DRD2: variants seen among roughly 807,000 people sequenced by gnomAD.
DRD2 encodes the protein D(2) dopamine receptor.
In DRD2, 8 loss-of-function variants were observed where a neutral mutation model predicts 38.0. The ratio of observed to expected loss-of-function variants is 0.21; its 90% CI spans 0.12 to 0.38. DRD2 has a LOEUF of 0.38. Among genes scored for constraint, DRD2 ranks in the 10% least tolerant of loss-of-function variants. The pLI, the probability that DRD2 is intolerant of heterozygous loss-of-function variation, is 1.00. For missense variants in DRD2, 403 were observed against 607.7 expected (o/e 0.66, Z 3.54); for synonymous variants, 230 against 238.6 (o/e 0.96, Z 0.33).
chr11:113,410,517 G>C lies in DRD2; in HGVS notation c.*210C>G. 2 of 681,424 alleles carry C rather than the reference G, an allele frequency of 2.9e-6. No homozygotes were observed. The highest frequency in any genetic ancestry group is 3.5e-5 in the South Asian group (2 of 57,292). 42.2% of individuals were successfully genotyped at this position (681,424 alleles called of 1,614,324 possible). On this transcript the variant is annotated 3_prime_UTR_variant, in exon 8 of 8. Coordinates refer to ENST00000362072, the MANE Select transcript of DRD2 (RefSeq NM_000795.4). ...AGCTGGGGGGCCCAGCCCCAGGGCT[G>C]GTACCATGCCCAGCTCACTAGCACT... is the stretch of plus-strand genomic sequence containing the variant.
chr11:113,473,466 C>T lies in DRD2; in HGVS notation c.-32+1610G>A, dbSNP rs528469373. On this transcript the variant is annotated intron_variant, in intron 1 of 7. Coordinates refer to ENST00000362072, the MANE Select transcript of DRD2 (RefSeq NM_000795.4). Reference sequence around the variant, plus strand: ...AAAAAACCCTTAGAGAAATGCTGCCCGGACTTCTACAACAAATCAGAACCT... The same window carrying T: ...AAAAAACCCTTAGAGAAATGCTGCCTGGACTTCTACAACAAATCAGAACCT... 4.6e-5 allele frequency among the ~76,000 whole-genome samples: 7 copies of T among 152,306 alleles called. No homozygotes were observed. In the South Asian group the frequency reaches 1.0e-3, roughly 23 times the overall value.
intron 1 of DRD2, among the ~76,000 whole-genome samples, chr11:113,460,774 C>A (rs1951310712): frequency 1.3e-5 from 2 of 152,208 alleles, no homozygotes; most frequent in African/African-American, 4.8e-5. Context: ...GGGAGCTGCC[C>A]AGGGATGAAG....
Position 113,413,357 on chromosome 11 carries a change from G to A in DRD2, c.811-474C>T, listed in dbSNP as rs202017046. 3.4e-3 allele frequency: 1,789 copies of A among 524,384 alleles called. 40 individuals carry two copies. The highest frequency in any genetic ancestry group is 0.024 in the South Asian group (1,737 of 71,594). 32.5% of individuals were successfully genotyped at this position (524,384 alleles called of 1,614,324 possible). A position where few individuals can be genotyped will look rare whatever the true frequency, so the allele number is the denominator to read the frequency against. ...TACCTGCACCTGCGTACACACGTGG[G>A]CTCCATATTCTCCTGGATAGACTAA... On this transcript the variant is annotated intron_variant, in intron 6 of 7. Coordinates refer to ENST00000362072, the MANE Select transcript of DRD2 (RefSeq NM_000795.4).
rs1289773705 is a variant in DRD2 at position 113,410,208 on chromosome 11, C to T, written c.*519G>A. ...GGCTTGGGAATCTCTGGGGTCCAAC[C>T]TGCAGTCTGGTATTTACATGGGTCT... On this transcript the variant is annotated 3_prime_UTR_variant, in exon 8 of 8. Coordinates refer to ENST00000362072, the MANE Select transcript of DRD2 (RefSeq NM_000795.4). 2.5e-5 allele frequency: 5 copies of T among 202,088 alleles called. No individual in the cohort carries two copies. The East Asian group carries it at 6.0e-4, about 24-fold the overall frequency. The allele number at this position is 202,088 out of a possible 1,614,324, so 12.5% of individuals were successfully genotyped here. A position where few individuals can be genotyped will look rare whatever the true frequency, so the allele number is the denominator to read the frequency against.
At chr11:113,443,883 C>A (rs980525351) in intron 1 of DRD2, among the ~76,000 whole-genome samples, 1 of 151,930 alleles carries the variant, frequency 6.6e-6, no homozygotes, top group South Asian at 2.1e-4. Flanking sequence ...AAAATCTAAG[C>A]GTCTACACTA....
intron 5 of DRD2, among the ~76,000 whole-genome samples, 188 bp from the exon 6 acceptor site, chr11:113,414,649 C>T (rs759488590): frequency 5.9e-5 from 9 of 152,276 alleles, no homozygotes; most frequent in Non-Finnish European, 8.8e-5. Flanking sequence ...GTGGGTATGA[C>T]GAGGAACACA....
At chr11:113,451,902 A>G (rs1024783668) in intron 1 of DRD2, among the ~76,000 whole-genome samples, 1 of 152,240 alleles carries the variant, frequency 6.6e-6, no homozygotes, top group African/African-American at 2.4e-5. Context: ...AACAGTGTAC[A>G]TGACTCAAAA....
In DRD2 at chr11:113,410,527, C is replaced by T; in HGVS notation, c.*200G>A. On this transcript the variant is annotated 3_prime_UTR_variant, in exon 8 of 8. Coordinates refer to ENST00000362072, the MANE Select transcript of DRD2 (RefSeq NM_000795.4). ...CCCAGCCCCAGGGCTGGTACCATGC[C>T]CAGCTCACTAGCACTGCCCTGGCAG... 1.4e-6 allele frequency: 1 copy of T among 724,536 alleles called. No homozygotes were observed. Among genetic ancestry groups the T allele is most frequent in the Admixed American group, 2.1e-5 (1 of 46,678 alleles). The allele number at this position is 724,536 out of a possible 1,614,324, so 44.9% of individuals were successfully genotyped here. A position where few individuals can be genotyped will look rare whatever the true frequency, so the allele number is the denominator to read the frequency against.
intron 1 of DRD2, among the ~76,000 whole-genome samples, chr11:113,474,046 C>A (rs756401639): frequency 2.0e-5 from 3 of 152,162 alleles, no homozygotes; most frequent in Non-Finnish European, 4.4e-5. Flanking sequence ...CTCACTCCCT[C>A]ACCCCCTCAC....
chr11:113,438,586 C>T (rs1216124474), intron 1 of DRD2, among the ~76,000 whole-genome samples: 1 of 152,236 alleles, frequency 6.6e-6, no homozygotes, highest in African/African-American at 2.4e-5. Flanking sequence ...GTTGTTCCCA[C>T]TACTCACCCC....
intron 1 of DRD2, among the ~76,000 whole-genome samples, chr11:113,466,074 A>G (rs1951366256): frequency 6.6e-6 from 1 of 152,218 alleles, no homozygotes; most frequent in Admixed American, 6.5e-5. Flanking sequence ...GTAACTTGAT[A>G]GAGGTCACAT....
intron 1 of DRD2, among the ~76,000 whole-genome samples, chr11:113,460,883 C>T (rs1274928027): frequency 6.6e-6 from 1 of 152,256 alleles, no homozygotes; most frequent in Non-Finnish European, 1.5e-5. Context: ...GCCTCCAAGG[C>T]CTCAAGTCCC....
chr11:113,432,426 G>A (rs541781396), intron 1 of DRD2, among the ~76,000 whole-genome samples: 2 of 152,136 alleles, frequency 1.3e-5, no homozygotes, highest in South Asian at 2.1e-4. Context: ...CCCCAGCAAC[G>A]TGTTTCCTAT....
In DRD2 at chr11:113,414,356, C is replaced by A; in HGVS notation, c.810+19G>T. The A allele has an allele frequency of 1.2e-6, 2 of 1,607,900 alleles. No homozygotes were observed. The highest frequency in any genetic ancestry group is 1.1e-5 in the South Asian group (1 of 90,950). ...GGGGCAGAAAGACCTGGCTCTGGGTCCCTGGCCTGAGCACTTACCACTCTC... is the reference window on the plus strand; with the variant it reads ...GGGGCAGAAAGACCTGGCTCTGGGTACCTGGCCTGAGCACTTACCACTCTC... On this transcript the variant is annotated intron_variant, in intron 6 of 7. Transcript: ENST00000362072.
chr11:113,414,578 A>G, intron 5 of DRD2, 117 bp from the exon 6 acceptor site: 1 of 975,894 alleles, frequency 1.0e-6, no homozygotes, highest in Non-Finnish European at 1.6e-6. Context: ...AGAGATCAGG[A>G]GGGTGGGGGC....
intron 1 of DRD2, among the ~76,000 whole-genome samples, chr11:113,437,193 G>T (rs1195124354): frequency 6.6e-6 from 1 of 152,160 alleles, no homozygotes; most frequent in Non-Finnish European, 1.5e-5. Context: ...CCGCATAGCA[G>T]CCCTGTGAGA....
rs531254084 is a variant in DRD2 at position 113,474,608 on chromosome 11, C to T, written c.-32+468G>A. ...GAAACTGAAAAGGGTCAGGTCGCAC[C>T]AACACAGAGTTGCCAAAAACAGCCC... On this transcript the variant is annotated intron_variant, in intron 1 of 7. Transcript: ENST00000362072. Among the ~76,000 whole-genome samples, 293 of 152,260 alleles carry T rather than the reference C, an allele frequency of 1.9e-3. 2 individuals carry two copies. The highest frequency in any genetic ancestry group is 6.7e-3 in the African/African-American group (280 of 41,562).
At chr11:113,437,814 G>A (rs1285609337) in intron 1 of DRD2, among the ~76,000 whole-genome samples, 2 of 152,186 alleles carry the variant, frequency 1.3e-5, no homozygotes, top group Non-Finnish European at 2.9e-5. Flanking sequence ...TCCACAGGGT[G>A]TGCGTCCACC....
intron 1 of DRD2, among the ~76,000 whole-genome samples, chr11:113,463,069 T>C (rs1951338014): frequency 1.3e-5 from 2 of 152,232 alleles, no homozygotes; most frequent in South Asian, 4.1e-4. Context: ...TCTGCTTCCC[T>C]GTGAGAAAAC....
Sources: gnomAD v4.1 joint callset for allele counts (sites outside exome capture counted in the v4.1 genomes callset) on GRCh38, gnomAD v4.1.1 for gene constraint, MANE v1.5 for transcripts, NCBI Gene and HGNC (gene_info 2026-07-23, HGNC 2026-07-21) for gene names.